PRH1: variants seen among roughly 807,000 people sequenced by gnomAD.
PRH1 encodes salivary acidic proline-rich phosphoprotein 1/2.
In PRH1, 7 loss-of-function variants were observed where a neutral mutation model predicts 7.9. The observed-to-expected ratio is 0.89, with a 90% CI of 0.50 to 1.67. The LOEUF is 1.67. Among genes scored for constraint, PRH1 ranks in the 40% most tolerant of loss-of-function variants. The probability of loss-of-function intolerance (pLI) is 0.00; values close to 1 mark genes in which losing one functional copy is unlikely to be tolerated. For synonymous variants in PRH1, 45 were observed against 80.8 expected (o/e 0.56, Z 2.38); for missense variants, 109 against 223.6 (o/e 0.49, Z 3.27).
At chr12:11,083,966 AC>A (rs1228666085) in intron 1 of PRH1, among the ~76,000 whole-genome samples, 3,092 of 96,972 alleles carry the variant, frequency 0.032, 149 homozygotes, top group Middle Eastern at 0.045. Context: ...CAAAGACTCA[AC>A]CTTCTGGCCA....
At chr12:10,968,291 T>C (rs993026887) in intron 2 of PRH1, among the ~76,000 whole-genome samples, 9 of 152,230 alleles carry the variant, frequency 5.9e-5, no homozygotes, top group Non-Finnish European at 1.3e-4. Context: ...TAAATCTAAA[T>C]GTATTTAGCT....
chr12:10,918,133 C>A (rs974399673), intron 2 of PRH1, among the ~76,000 whole-genome samples: 1 of 152,158 alleles, frequency 6.6e-6, no homozygotes, highest in Non-Finnish European at 1.5e-5. Context: ...GAAAACCAAA[C>A]ACCACGTGTT....
chr12:10,894,845 T>A (rs1277381665), intron 2 of PRH1: 4 of 152,148 alleles, frequency 2.6e-5, no homozygotes, highest in African/African-American at 9.7e-5. Context: ...TAGAACATAA[T>A]GAGAAAATAA....
chr12:10,958,627 C>G (rs1938091845), intron 2 of PRH1, among the ~76,000 whole-genome samples: 1 of 151,996 alleles, frequency 6.6e-6, no homozygotes. Context: ...GTATTGGAGG[C>G]CTCAATGATT....
intron 1 of PRH1, among the ~76,000 whole-genome samples, chr12:11,037,793 A>G (rs1407648493): frequency 6.6e-6 from 1 of 152,244 alleles, no homozygotes; most frequent in African/African-American, 2.4e-5. Flanking sequence ...TAATCCCAGC[A>G]TTTTGAAAGG....
chr12:10,985,860 A>C, intron 1 of PRH1: 1 of 1,265,446 alleles, frequency 7.9e-7, no homozygotes, highest in Non-Finnish European at 1.1e-6. Context: ...AACAGTAAAA[A>C]GTATAAAATG....
chr12:10,941,162 G>C (rs1394193047), intron 2 of PRH1, among the ~76,000 whole-genome samples: 1 of 152,116 alleles, frequency 6.6e-6, no homozygotes, highest in Non-Finnish European at 1.5e-5. Flanking sequence ...GGGTTCTGTT[G>C]AGACTTCATG....
chr12:10,950,618 CTT>C (rs1950556298), intron 2 of PRH1, among the ~76,000 whole-genome samples: 1 of 151,574 alleles, frequency 6.6e-6, no homozygotes, highest in Non-Finnish European at 1.5e-5. Context: ...TTCAAATTCT[CTT>C]TTGTTATCAG....
At chr12:10,935,569 C>A (rs1950274860) in intron 2 of PRH1, among the ~76,000 whole-genome samples, 3 of 152,080 alleles carry the variant, frequency 2.0e-5, no homozygotes, top group Non-Finnish European at 4.4e-5. Flanking sequence ...TTTTGTACTT[C>A]TCCTCTACTC....
chr12:11,083,461 C>T (rs1283898485), intron 1 of PRH1, among the ~76,000 whole-genome samples: 1 of 152,232 alleles, frequency 6.6e-6, no homozygotes, highest in Non-Finnish European at 1.5e-5. Flanking sequence ...TATGTTTTTT[C>T]AGCCTATTTT....
chr12:11,024,634 T>C (rs1941818839), intron 1 of PRH1, among the ~76,000 whole-genome samples: 1 of 152,174 alleles, frequency 6.6e-6, no homozygotes, highest in African/African-American at 2.4e-5. Flanking sequence ...ATCTTTTCAC[T>C]TCTCTATATT....
intron 1 of PRH1, among the ~76,000 whole-genome samples, chr12:11,099,138 T>C (rs1047279857): frequency 6.6e-6 from 1 of 152,214 alleles, no homozygotes; most frequent in Non-Finnish European, 1.5e-5. Flanking sequence ...ACAGGAAGAC[T>C]GACTACCTTT....
chr12:11,136,011 T>C (rs1946539713), intron 1 of PRH1, among the ~76,000 whole-genome samples: 1 of 152,134 alleles, frequency 6.6e-6, no homozygotes, highest in African/African-American at 2.4e-5. Context: ...AACATTCAAG[T>C]AACCATTATG....
chr12:11,115,253 A>G (rs544322214), intron 1 of PRH1, among the ~76,000 whole-genome samples: 4 of 152,212 alleles, frequency 2.6e-5, no homozygotes, highest in Non-Finnish European at 5.9e-5. Flanking sequence ...TGGAGTACCT[A>G]TACAAGTATT....
At chr12:11,029,922 G>A (rs189707537) in intron 1 of PRH1, among the ~76,000 whole-genome samples, 154 of 152,276 alleles carry the variant, frequency 1.0e-3, no homozygotes, top group Non-Finnish European at 1.7e-3. Context: ...AGAATTGAAT[G>A]ACTTTACCAT....
chr12:11,147,856 G>C (rs564520615), intron 1 of PRH1, among the ~76,000 whole-genome samples: 1 of 152,100 alleles, frequency 6.6e-6, no homozygotes, highest in South Asian at 2.1e-4. Flanking sequence ...GGATGGCATT[G>C]AATCTATAAA....
At chr12:11,147,191 C>G (rs919339193) in intron 1 of PRH1, among the ~76,000 whole-genome samples, 2 of 152,098 alleles carry the variant, frequency 1.3e-5, no homozygotes, top group African/African-American at 4.8e-5. Context: ...TGATACATCT[C>G]TTCATGTATT....
chr12:11,066,364 T>G (rs1213530757), intron 1 of PRH1, among the ~76,000 whole-genome samples: 1 of 152,118 alleles, frequency 6.6e-6, no homozygotes, highest in African/African-American at 2.4e-5. Context: ...TCCTTCTTAC[T>G]GGTTAGTTTT....
At chr12:11,118,271 T>A (rs1441557168), downstream of PRH1, among the ~76,000 whole-genome samples, 1 of 152,190 alleles carries the variant, frequency 6.6e-6, no homozygotes, top group African/African-American at 2.4e-5. Flanking sequence ...ATTTGGATAG[T>A]CATTTCTCAA....
Sources: gnomAD v4.1 joint callset for allele counts (sites outside exome capture counted in the v4.1 genomes callset) on GRCh38, gnomAD v4.1.1 for gene constraint, MANE v1.5 for transcripts, NCBI Gene and HGNC (gene_info 2026-07-23, HGNC 2026-07-21) for gene names.